GRM7: variants seen among roughly 807,000 people sequenced by gnomAD.
GRM7 encodes glutamate metabotropic receptor 7.
Under a neutral mutation model 84.5 loss-of-function variants are expected in GRM7, and 35 were observed. The observed-to-expected ratio is 0.41, with a 90% CI of 0.32 to 0.55. GRM7 has a LOEUF of 0.55. GRM7 is among the 20% of genes least tolerant of loss of function. The pLI is 0.19. For missense variants in GRM7, 1,003 were observed against 1,194.6 expected (o/e 0.84, Z 2.36); for synonymous variants, 487 against 455.1 (o/e 1.07, Z -0.89).
intron 7 of GRM7, among the ~76,000 whole-genome samples, chr3:7,479,821 A>G (rs138432382): frequency 6.6e-6 from 1 of 152,282 alleles, no homozygotes; most frequent in African/African-American, 2.4e-5. Flanking sequence ...GTTCACAGTC[A>G]TAACTGCTAT....
Position 7,045,603 on chromosome 3 carries a change from A to C in GRM7, c.520-100849A>C, listed in dbSNP as rs570462391. 2.0e-5 allele frequency among the ~76,000 whole-genome samples: 3 copies of C among 152,168 alleles called. No individual in the cohort carries two copies. The South Asian group carries it at 6.2e-4, about 32-fold the overall frequency. ...TGGCTTCTATGAGCTTTACTATTTT[A>C]TTTTAGACTTGGCATATAAGTGATA... On this transcript the variant is annotated intron_variant, in intron 1 of 9. Transcript: ENST00000357716.
intron 7 of GRM7, among the ~76,000 whole-genome samples, chr3:7,488,433 G>A (rs774751850): frequency 1.3e-5 from 2 of 152,070 alleles, no homozygotes; most frequent in Admixed American, 1.3e-4. Flanking sequence ...TTTAAAAGAC[G>A]TTTGAGTCAT....
intron 4 of GRM7, among the ~76,000 whole-genome samples, chr3:7,395,587 A>G (rs977271809): frequency 5.9e-5 from 9 of 152,086 alleles, no homozygotes; most frequent in African/African-American, 1.4e-4. Context: ...CCTAGGGGCA[A>G]TTTTCTTCAT....
At chr3:7,112,458 T>C (rs974641663) in intron 1 of GRM7, among the ~76,000 whole-genome samples, 35 of 152,152 alleles carry the variant, frequency 2.3e-4, no homozygotes, top group African/African-American at 8.0e-4. Flanking sequence ...TCTCCTGACC[T>C]TGTGATCTGC....
rs1452601147 is a variant in GRM7 at position 7,146,557 on chromosome 3, A to G, written c.625A>G (p.Met209Val). 1.9e-6 allele frequency: 3 copies of G among 1,613,968 alleles called. No homozygotes were observed. The highest frequency in any genetic ancestry group is 2.7e-5 in the African/African-American group (2 of 75,022). The change falls in exon 2 of 10, where the codon ATG (methionine) becomes GTG (valine). Residue 209 changes from methionine to valine, a missense_variant. Met to Val is a conservative substitution (Grantham distance 21). Coordinates refer to ENST00000357716, the MANE Select transcript of GRM7 (RefSeq NM_000844.4). ...VPPDSFQAQAMVDIVKALGWN... is the reference protein window; with the variant it reads ...VPPDSFQAQAVVDIVKALGWN... ...ACCCGATTCCTTCCAAGCCCAGGCCATGGTAGACATTGTAAAGGCCCTAGG... is the reference window on the plus strand; with the variant it reads ...ACCCGATTCCTTCCAAGCCCAGGCCGTGGTAGACATTGTAAAGGCCCTAGG...
intron 8 of GRM7, among the ~76,000 whole-genome samples, chr3:7,631,764 C>T (rs929088139): frequency 3.3e-5 from 5 of 152,010 alleles, no homozygotes; most frequent in Admixed American, 3.3e-4. Context: ...CTAAAAATGC[C>T]TCCAGGCTTT....
intron 8 of GRM7, among the ~76,000 whole-genome samples, chr3:7,582,288 G>A (rs1419535294): frequency 6.6e-6 from 1 of 152,086 alleles, no homozygotes; most frequent in African/African-American, 2.4e-5. Context: ...CAGGCTACCC[G>A]GTCAAAATCT....
intron 7 of GRM7, chr3:7,561,533 C>T (rs1043815269): frequency 2.2e-6 from 1 of 456,414 alleles, no homozygotes; most frequent in Non-Finnish European, 4.4e-6. Context: ...AGAATGTTGG[C>T]ATGGAAAGTC....
At chr3:7,685,703 A>G (rs1700554691) in intron 9 of GRM7, among the ~76,000 whole-genome samples, 1 of 152,168 alleles carries the variant, frequency 6.6e-6, no homozygotes, top group Non-Finnish European at 1.5e-5. Context: ...AATAAGGAAA[A>G]TACATAAATA....
In GRM7 at chr3:6,862,516, G is replaced by A. The variant is rs1450537797; in HGVS notation, c.519+609G>A. On this transcript the variant is annotated intron_variant, in intron 1 of 9. Coordinates refer to ENST00000357716, the MANE Select transcript of GRM7 (RefSeq NM_000844.4). The surrounding 1 kb of genome is among the most constrained non-coding windows in gnomAD (Gnocchi z 5.2). ...CGAGAGCCCAGGGCGCGAGGTGCTG[G>A]GACCTTCCTCAGGTGGAGAGATGCT... 6.6e-6 allele frequency among the ~76,000 whole-genome samples: 1 copy of A among 152,146 alleles called. No individual in the cohort carries two copies. Among genetic ancestry groups the A allele is most frequent in the Non-Finnish European group, 1.5e-5 (1 of 68,024 alleles).
chr3:6,949,184 TG>T (rs748813080), intron 1 of GRM7, among the ~76,000 whole-genome samples: 2 of 152,358 alleles, frequency 1.3e-5, no homozygotes, highest in South Asian at 4.1e-4. Context: ...GTTTTTGCAG[TG>T]GCTGGTACCG....
chr3:7,250,814 G>A (rs1045888891), intron 2 of GRM7, among the ~76,000 whole-genome samples: 30 of 152,196 alleles, frequency 2.0e-4, no homozygotes, highest in African/African-American at 6.3e-4. Flanking sequence ...GTAAGCCACC[G>A]CATCAAGCCA....
chr3:7,135,299 A>G (rs1156394965), intron 1 of GRM7, among the ~76,000 whole-genome samples: 1 of 152,164 alleles, frequency 6.6e-6, no homozygotes, highest in Admixed American at 6.6e-5. Context: ...TTCTTCAATG[A>G]TTTTCCCTTT....
intron 2 of GRM7, among the ~76,000 whole-genome samples, chr3:7,283,538 A>G (rs1020235486): frequency 2.0e-5 from 3 of 152,172 alleles, no homozygotes; most frequent in African/African-American, 4.8e-5. Context: ...AATAGACACT[A>G]AACAATTGAA....
intron 2 of GRM7, among the ~76,000 whole-genome samples, chr3:7,207,466 T>G (rs1236603452): frequency 6.6e-6 from 1 of 152,202 alleles, no homozygotes; most frequent in African/African-American, 2.4e-5. Context: ...TGACTCTTCC[T>G]ATTCTTCCCA....
At chr3:7,440,834 T>C (rs1332898661) in intron 5 of GRM7, among the ~76,000 whole-genome samples, 2 of 152,186 alleles carry the variant, frequency 1.3e-5, no homozygotes, top group African/African-American at 4.8e-5. Flanking sequence ...CTCATTCTTT[T>C]TTTATGGATG....
intron 1 of GRM7, among the ~76,000 whole-genome samples, chr3:7,049,193 A>C (rs1696908077): frequency 1.3e-5 from 2 of 151,924 alleles, no homozygotes. Context: ...CACATACTAT[A>C]ATTGGGCTCA....
At chr3:6,939,761 A>C (rs1480722187) in intron 1 of GRM7, among the ~76,000 whole-genome samples, 1 of 152,162 alleles carries the variant, frequency 6.6e-6, no homozygotes, top group Non-Finnish European at 1.5e-5. Flanking sequence ...ATATAATCTT[A>C]AATTGAATAT....
intron 2 of GRM7, among the ~76,000 whole-genome samples, chr3:7,162,821 G>A (rs1446529929): frequency 8.0e-6 from 1 of 125,062 alleles, no homozygotes; most frequent in Admixed American, 1.0e-4. Flanking sequence ...GTGCAGTGGT[G>A]TGATCTCAGT....
Sources: allele counts gnomAD v4.1 joint callset (sites outside exome capture counted in the v4.1 genomes callset), GRCh38; gene constraint gnomAD v4.1.1; non-coding constraint Gnocchi (gnomAD v3.1); transcripts MANE v1.5; gene names NCBI Gene and HGNC (gene_info 2026-07-23, HGNC 2026-07-21).